The following SIK3 variants were observed in gnomAD, a reference collection of about 807,000 sequenced individuals.
The protein encoded by SIK3 is SIK family kinase 3.
SIK3 carries 28 observed loss-of-function variants against 144.2 expected under a neutral mutation model. The ratio of observed to expected loss-of-function variants is 0.19; its 90% CI spans 0.14 to 0.27. SIK3 has a LOEUF of 0.27. Ranked by LOEUF, SIK3 falls within the 10% of genes least tolerant of loss-of-function variation. SIK3 has a pLI of 1.00. For missense variants in SIK3, 1,319 were observed against 1,776.0 expected, an observed-to-expected ratio of 0.74 and a Z score of 4.62; for synonymous variants, 686 against 676.3, an observed-to-expected ratio of 1.01 and a Z score of -0.22.
At position 116,953,917 on chromosome 11, in the gene SIK3, G is replaced by C. The variant is rs1365824691; in HGVS notation, c.454+127C>G. ...ACAAATTAAAATGCCTTTGTTGATA[G>C]AAAATGGCAGGATTGAAGAACAGCA... On this transcript the variant is annotated intron_variant, in intron 3 of 24. Coordinates refer to ENST00000445177, the MANE Select transcript of SIK3 (RefSeq NM_001366686.3). 2.2e-5 allele frequency: 14 copies of C among 637,564 alleles called. No homozygotes were observed. In the East Asian group the frequency reaches 4.1e-4, roughly 19 times the overall value. The allele number at this position is 637,564 out of a possible 1,614,324, so 39.5% of individuals were successfully genotyped here.
chr11:117,068,624 G>A (rs766813862), intron 1 of SIK3, among the ~76,000 whole-genome samples: 1 of 152,252 alleles, frequency 6.6e-6, no homozygotes, highest in Non-Finnish European at 1.5e-5. Flanking sequence ...GCGCATGCCT[G>A]TAGTCCCAGC....
intron 1 of SIK3, among the ~76,000 whole-genome samples, chr11:117,030,213 GC>G (rs1952196232): frequency 1.3e-5 from 2 of 152,042 alleles, no homozygotes; most frequent in Non-Finnish European, 2.9e-5. Flanking sequence ...GTTAACAAAG[GC>G]CTCTAAGATG....
intron 12 of SIK3, 82 bp from the exon 13 acceptor site, chr11:116,873,718 A>C (rs992200908): frequency 2.0e-6 from 3 of 1,498,472 alleles, no homozygotes; most frequent in Non-Finnish European, 2.7e-6. Context: ...ATCTATGGAA[A>C]TTAAGGGAGC....
chr11:116,979,968 C>T (rs879906425), intron 1 of SIK3, among the ~76,000 whole-genome samples: 13 of 152,054 alleles, frequency 8.5e-5, no homozygotes, highest in Non-Finnish European at 1.6e-4. Context: ...TGTCACTAAA[C>T]CTCTCATATG....
At chr11:116,891,572 T>G (rs1315167524) in intron 6 of SIK3, among the ~76,000 whole-genome samples, 2 of 152,194 alleles carry the variant, frequency 1.3e-5, no homozygotes, top group African/African-American at 2.4e-5. Context: ...CTTTGCCACC[T>G]TATGGAGTAA....
In SIK3 at chr11:117,098,138, G is replaced by A. The variant is rs1389396595; in HGVS notation, c.273+5C>T. On this transcript the variant is annotated splice_donor_5th_base_variant and intron_variant, in intron 1 of 24. Transcript: ENST00000445177. ...CCGACTGCCGCCTGGCCCCTGCGCC[G>A]GTACCTTGGCCTTGGTGACGAGGTG... is the stretch of plus-strand genomic sequence containing the variant. The A allele has an allele frequency of 4.7e-6, 7 of 1,483,822 alleles. No individual in the cohort carries two copies. Among genetic ancestry groups the A allele is most frequent in the South Asian group, 1.2e-5 (1 of 83,264 alleles). The allele number at this position is 1,483,822 out of a possible 1,614,324, so 91.9% of individuals were successfully genotyped here.
At chr11:116,921,159 C>A (rs1317479094) in intron 4 of SIK3, among the ~76,000 whole-genome samples, 2 of 152,144 alleles carry the variant, frequency 1.3e-5, no homozygotes, top group Non-Finnish European at 2.9e-5. Flanking sequence ...TTCTCTATAC[C>A]TTGCCTGGGT....
chr11:116,924,608 G>C (rs1413783767), intron 4 of SIK3, among the ~76,000 whole-genome samples: 1 of 152,144 alleles, frequency 6.6e-6, no homozygotes. Context: ...ACTGCAGCAG[G>C]CCCCACAGCT....
Position 116,849,215 on chromosome 11 carries a change from C to T in SIK3, c.3724G>A (p.Gly1242Arg), listed in dbSNP as rs560363707. 74 of 1,614,180 alleles carry T rather than the reference C, an allele frequency of 4.6e-5. No homozygotes were observed. In the South Asian group the frequency reaches 7.5e-4, roughly 16 times the overall value. ...GAGGGGCGTGCTGGGTACCCGAGCC[C>T]ATTGTGATCCGGCAGCTCCACTGCT... is the stretch of plus-strand genomic sequence containing the variant. The part of the protein sequence containing the change: ...GQAVELPDHN[G>R]LGYPARPSVH... Residue 1242 changes from glycine (G) to arginine (R), a missense_variant, in exon 22 of 25, where the codon GGG becomes AGG. Physicochemically the swap from Gly to Arg is moderately radical, Grantham distance 125 (BLOSUM62 -2). Around this residue, in one of 8 missense-constraint regions of SIK3, gnomAD observed 646 missense variants for 763.7 expected, o/e 0.85. Coordinates refer to ENST00000445177, the MANE Select transcript of SIK3 (RefSeq NM_001366686.3). The surrounding 1 kb of genome is among the most constrained non-coding windows in gnomAD (Gnocchi z 4.2).
intron 1 of SIK3, among the ~76,000 whole-genome samples, chr11:116,988,692 G>A (rs957678792): frequency 2.6e-5 from 4 of 152,046 alleles, no homozygotes; most frequent in East Asian, 3.9e-4. Flanking sequence ...TACTTGGGAG[G>A]CTGAGGTGGA....
At chr11:116,925,945 C>T (rs1359456335) in intron 4 of SIK3, among the ~76,000 whole-genome samples, 1 of 152,108 alleles carries the variant, frequency 6.6e-6, no homozygotes, top group Non-Finnish European at 1.5e-5. Context: ...AAAAGTGTAG[C>T]TGTCAGTTTC....
chr11:116,917,245 A>G (rs1347326434), intron 4 of SIK3, among the ~76,000 whole-genome samples: 1 of 152,182 alleles, frequency 6.6e-6, no homozygotes, highest in Admixed American at 6.5e-5. Flanking sequence ...CCTCATGAGG[A>G]CACATGACCT....
intron 1 of SIK3, among the ~76,000 whole-genome samples, chr11:117,056,875 AG>A (rs2135938056): frequency 1.3e-5 from 2 of 152,368 alleles, no homozygotes; most frequent in South Asian, 4.1e-4. Context: ...GTCCATCAAT[AG>A]GGGAAACGTG....
chr11:117,014,693 G>A (rs1951446994), intron 1 of SIK3, among the ~76,000 whole-genome samples: 1 of 152,142 alleles, frequency 6.6e-6, no homozygotes, highest in Non-Finnish European at 1.5e-5. Context: ...ATGATGTTTT[G>A]ATAGATGTAT....
intron 1 of SIK3, among the ~76,000 whole-genome samples, chr11:117,085,970 CA>C (rs1954986213): frequency 6.6e-6 from 1 of 152,000 alleles, no homozygotes; most frequent in Non-Finnish European, 1.5e-5. Flanking sequence ...AAAGAAAAAC[CA>C]AAAAAAGATT....
chr11:117,093,250 G>C (rs760563825), intron 1 of SIK3, among the ~76,000 whole-genome samples: 1 of 152,116 alleles, frequency 6.6e-6, no homozygotes, highest in Non-Finnish European at 1.5e-5. Flanking sequence ...CATGTGCTTC[G>C]TTAAACTCTT....
At chr11:116,918,693 C>T (rs573369261) in intron 4 of SIK3, among the ~76,000 whole-genome samples, 118 of 152,200 alleles carry the variant, frequency 7.8e-4, no homozygotes, top group African/African-American at 2.8e-3. Flanking sequence ...CTTCAGTGTT[C>T]CAAGATATAC....
At chr11:117,043,512 T>C (rs1053711158) in intron 1 of SIK3, among the ~76,000 whole-genome samples, 12 of 152,186 alleles carry the variant, frequency 7.9e-5, no homozygotes, top group Non-Finnish European at 1.6e-4. Flanking sequence ...AGCACTACCA[T>C]TTTACAAAAC....
chr11:116,897,463 A>T, intron 4 of SIK3, 146 bp from the exon 5 acceptor site: 1 of 689,534 alleles, frequency 1.5e-6, no homozygotes, highest in Non-Finnish European at 2.4e-6. Context: ...ATAGCCAGAC[A>T]CTTAAAACAA....
Sources: allele counts gnomAD v4.1 joint callset (sites outside exome capture counted in the v4.1 genomes callset), GRCh38; gene constraint gnomAD v4.1.1; regional missense constraint gnomAD v4.1.1; non-coding constraint Gnocchi (gnomAD v3.1); transcripts MANE v1.5; gene names NCBI Gene and HGNC (gene_info 2026-07-23, HGNC 2026-07-21).